The following GLT8D2 variants were observed in gnomAD, a reference collection of about 807,000 sequenced individuals.
GLT8D2 encodes glycosyltransferase 8 domain-containing protein 2.
GLT8D2 carries 45 observed loss-of-function variants against 44.5 expected under a neutral mutation model. That is an observed-to-expected ratio of 1.01 (90% CI 0.80 to 1.30). The LOEUF (loss-of-function observed/expected upper bound fraction) is 1.30, where lower values mean the gene tolerates loss of function less well. Ranked by LOEUF, GLT8D2 falls within the 50% of genes most tolerant of loss-of-function variation. The probability of loss-of-function intolerance (pLI) is 0.00; values close to 1 mark genes in which losing one functional copy is unlikely to be tolerated. For missense variants in GLT8D2, 400 were observed against 430.4 expected (o/e 0.93, Z 0.62); for synonymous variants, 156 against 157.2 (o/e 0.99, Z 0.06).
Position 104,004,243 on chromosome 12 carries a change from C to G in GLT8D2, c.113-937G>C, listed in dbSNP as rs151015635. ...TGGGACGTATCTCAAAATAATAAGA[C>G]CTATTTATGACAAACCCACAGCCAA... On this transcript the variant is annotated intron_variant, in intron 4 of 10. Coordinates refer to ENST00000360814, the MANE Select transcript of GLT8D2 (RefSeq NM_001384711.1). Among the ~76,000 whole-genome samples, 46 of 152,042 alleles carry G rather than the reference C, an allele frequency of 3.0e-4. 1 individual carries two copies. Among genetic ancestry groups the G allele is most frequent in the African/African-American group, 9.4e-4 (39 of 41,508 alleles).
intron 1 of GLT8D2, among the ~76,000 whole-genome samples, chr12:104,044,316 C>T (rs928260065): frequency 2.6e-5 from 4 of 152,216 alleles, no homozygotes; most frequent in African/African-American, 7.2e-5. Flanking sequence ...CAGACTGCCT[C>T]GTCATCACCG....
At position 104,019,633 on chromosome 12, in the gene GLT8D2, T is replaced by G; in HGVS notation, c.16A>C (p.Lys6Gln). ...TTTTCAAAAGTTGAAATCTTACTTTTTCGTAACAGAGCCATGTGTATTCAC... is the reference window on the plus strand; with the variant it reads ...TTTTCAAAAGTTGAAATCTTACTTTGTCGTAACAGAGCCATGTGTATTCAC... Reference protein sequence around the residue: MALLRKINQVLLFLLI... With the variant: MALLRQINQVLLFLLI... Residue 6 changes from lysine (K) to glutamine (Q), a missense_variant, in exon 3 of 11, where the codon AAA (lysine) becomes CAA (glutamine). Coordinates refer to ENST00000360814, the MANE Select transcript of GLT8D2 (RefSeq NM_001384711.1). 6.2e-7 allele frequency: 1 copy of G among 1,609,712 alleles called. No individual in the cohort carries two copies. Among genetic ancestry groups the G allele is most frequent in the Non-Finnish European group, 8.5e-7 (1 of 1,176,786 alleles).
chr12:104,049,625 T>C (rs1295291495), intron 1 of GLT8D2: 1 of 152,160 alleles, frequency 6.6e-6, no homozygotes, highest in Admixed American at 6.6e-5. Context: ...AATTATCATA[T>C]TTGTGGAGAG....
rs774930881 is a variant in GLT8D2 at position 104,015,101 on chromosome 12, AT to A, written c.23del (p.Asn8IlefsTer8). The A allele has an allele frequency of 5.6e-6, 9 of 1,610,988 alleles. No individual in the cohort carries two copies. Among genetic ancestry groups the A allele is most frequent in the Non-Finnish European group, 7.6e-6 (9 of 1,177,482 alleles). On this transcript the variant is annotated frameshift_variant, in exon 4 of 11. Transcript: ENST00000360814. LOFTEE classifies it high-confidence loss of function. MALLRKI[N>X]QVLLFLLIVT... is the part of the protein sequence containing the mutation. The stretch of plus-strand genomic sequence containing the variant: ...CGATCAGAAGGAACAGCAGCACCTG[AT>A]TAACTGAAATAGAAATGGAAACACA...
At chr12:104,045,212 G>A (rs1247333552) in intron 1 of GLT8D2, among the ~76,000 whole-genome samples, 1 of 152,168 alleles carries the variant, frequency 6.6e-6, no homozygotes, top group African/African-American at 2.4e-5. Context: ...GAGGGGAACT[G>A]CTGATGATCC....
At chr12:104,039,570 G>C (rs1486689002) in intron 1 of GLT8D2, among the ~76,000 whole-genome samples, 5 of 151,120 alleles carry the variant, frequency 3.3e-5, no homozygotes, top group African/African-American at 7.3e-5. Flanking sequence ...GGCCATCAGA[G>C]AAATGCAAAT....
Position 104,016,767 on chromosome 12 carries a change from GAAAGAAA to G in GLT8D2, c.20-1669_20-1663del, listed in dbSNP as rs1470503874. ...AGAAAGAAAGAAAGAAAGAAAGAAA[GAAAGAAA>G]GAAGGAAGGAAGGAAGGAAGGAAGG... On this transcript the variant is annotated intron_variant, in intron 3 of 10. Transcript: ENST00000360814. 7.2e-3 allele frequency among the ~76,000 whole-genome samples: 624 copies of G among 87,268 alleles called. 2 individuals carry two copies. Among genetic ancestry groups the G allele is most frequent in the African/African-American group, 0.019 (405 of 21,450 alleles). 57.3% of individuals were successfully genotyped at this position (87,268 alleles called of 152,430 possible).
At chr12:104,013,535 A>C (rs1343581837) in intron 4 of GLT8D2, among the ~76,000 whole-genome samples, 3 of 152,202 alleles carry the variant, frequency 2.0e-5, no homozygotes, top group Non-Finnish European at 4.4e-5. Context: ...CTTTGTATGA[A>C]AATCATTCTC....
At chr12:104,027,158 T>C (rs1282807432) in intron 1 of GLT8D2, among the ~76,000 whole-genome samples, 1 of 152,242 alleles carries the variant, frequency 6.6e-6, no homozygotes, top group Non-Finnish European at 1.5e-5. Flanking sequence ...CCCAAGAGCT[T>C]TGAGTGCATG....
intron 1 of GLT8D2, among the ~76,000 whole-genome samples, chr12:104,056,497 A>C (rs550614610): frequency 1.3e-5 from 2 of 152,372 alleles, no homozygotes; most frequent in East Asian, 3.9e-4. Flanking sequence ...GGAGGAATAG[A>C]AAGTGTAGAA....
Position 104,064,118 on chromosome 12 carries a change from G to A in GLT8D2, c.-592C>T, listed in dbSNP as rs1882941432. The A allele has an allele frequency of 6.5e-6, 1 of 152,974 alleles. No homozygotes were observed. Among genetic ancestry groups the A allele is most frequent in the South Asian group, 2.1e-4 (1 of 4,856 alleles). The allele number at this position is 152,974 out of a possible 1,614,324, so 9.5% of individuals were successfully genotyped here. On this transcript the variant is annotated 5_prime_UTR_variant, in exon 1 of 11. Coordinates refer to the GLT8D2 transcript ENST00000548660. The surrounding 1 kb of genome is among the most constrained non-coding windows in gnomAD (Gnocchi z 7.3). ...CAGGCTCCCGCCCGCACCCTCCCGT[G>A]CGAGGTCCCCGCCCTGCGCTCCCAG...
intron 1 of GLT8D2, among the ~76,000 whole-genome samples, chr12:104,022,430 C>T (rs986439189): frequency 4.6e-5 from 7 of 152,204 alleles, no homozygotes; most frequent in African/African-American, 1.7e-4. Flanking sequence ...TTAAAATACA[C>T]ACCTCTACCC....
chr12:104,037,229 C>T (rs1048595948), intron 1 of GLT8D2, among the ~76,000 whole-genome samples: 2 of 152,196 alleles, frequency 1.3e-5, no homozygotes, highest in African/African-American at 4.8e-5. Flanking sequence ...CTAAAATCGA[C>T]ACCCTAACAT....
At chr12:104,053,560 T>C (rs931180362), upstream of GLT8D2, among the ~76,000 whole-genome samples, 27 of 152,094 alleles carry the variant, frequency 1.8e-4, no homozygotes, top group Admixed American at 3.3e-4. Flanking sequence ...ACTCAAGAAA[T>C]GGAAGTTATT....
chr12:104,023,320 G>A (rs1593552330), intron 1 of GLT8D2, among the ~76,000 whole-genome samples: 2 of 152,244 alleles, frequency 1.3e-5, no homozygotes, highest in East Asian at 3.9e-4. Flanking sequence ...AAATTGCTAT[G>A]CATACTATTT....
At chr12:103,991,742 G>A (rs183011949) in intron 10 of GLT8D2, among the ~76,000 whole-genome samples, 1 of 148,380 alleles carries the variant, frequency 6.7e-6, no homozygotes, top group East Asian at 2.0e-4. Context: ...AGGAAAATCA[G>A]AGGATTCTGG....
chr12:104,016,711 GAAAGAAA>G (rs1876690909), intron 3 of GLT8D2, among the ~76,000 whole-genome samples: 2 of 30,678 alleles, frequency 6.5e-5, no homozygotes, highest in South Asian at 2.3e-3. Flanking sequence ...AAGGGAGAGA[GAAAGAAA>G]GAAAGAAAGA....
upstream of GLT8D2, among the ~76,000 whole-genome samples, chr12:104,055,123 G>A (rs1304648450): frequency 1.3e-5 from 2 of 152,144 alleles, no homozygotes; most frequent in Non-Finnish European, 2.9e-5. Flanking sequence ...ATATGGAGAG[G>A]GTGGCCAGCA....
chr12:104,046,175 T>A (rs1006620405), intron 1 of GLT8D2, among the ~76,000 whole-genome samples: 21 of 152,222 alleles, frequency 1.4e-4, no homozygotes, highest in Non-Finnish European at 2.6e-4. Flanking sequence ...TAATTAGCTG[T>A]GTAATCATGG....
Sources: gnomAD v4.1 joint callset for allele counts (sites outside exome capture counted in the v4.1 genomes callset) on GRCh38, gnomAD v4.1.1 for gene constraint, Gnocchi (gnomAD v3.1) non-coding constraint, MANE v1.5 for transcripts, NCBI Gene and HGNC (gene_info 2026-07-23, HGNC 2026-07-21) for gene names.